The following MYO18B variants were observed in gnomAD, a reference collection of about 807,000 sequenced individuals.
MYO18B encodes myosin XVIIIB.
MYO18B carries 204 observed loss-of-function variants against 273.0 expected under a neutral mutation model. The ratio of observed to expected loss-of-function variants is 0.75; its 90% confidence interval spans 0.67 to 0.84. The LOEUF is 0.84. MYO18B is among the 40% of genes least tolerant of loss of function. The probability of loss-of-function intolerance (pLI) is 0.00; values close to 1 mark genes in which losing one functional copy is unlikely to be tolerated. For synonymous variants in MYO18B, 1,330 were observed against 1,305.7 expected, an observed-to-expected ratio of 1.02 and a Z score of -0.40; for missense variants, 3,212 against 3,287.6, an observed-to-expected ratio of 0.98 and a Z score of 0.56.
chr22:26,005,566 G>A (rs1021712322), intron 42 of MYO18B, among the ~76,000 whole-genome samples: 1 of 152,124 alleles, frequency 6.6e-6, no homozygotes, highest in African/African-American at 2.4e-5. Context: ...ATTTCTCTGA[G>A]CTCACTTGGT....
chr22:25,805,423 G>A lies in MYO18B; in HGVS notation c.2521+7326G>A, dbSNP rs188757437. Among the ~76,000 whole-genome samples, 17 of 152,314 alleles carry A rather than the reference G, an allele frequency of 1.1e-4. No individual in the cohort carries two copies. The East Asian group carries it at 2.9e-3, about 26-fold the overall frequency. Reference sequence around the variant, plus strand: ...TCTCAGGTTGGACCAGGGCAAGATCGCTGTGGATTTATTCTTGGAGCCTCA... The same window carrying A: ...TCTCAGGTTGGACCAGGGCAAGATCACTGTGGATTTATTCTTGGAGCCTCA... On this transcript the variant is annotated intron_variant, in intron 12 of 43. Transcript: ENST00000335473.
intron 12 of MYO18B, among the ~76,000 whole-genome samples, chr22:25,817,637 A>C (rs1393181531): frequency 1.3e-5 from 2 of 152,160 alleles, no homozygotes; most frequent in African/African-American, 4.8e-5. Context: ...TCTTTCCAAA[A>C]CCACTGTCTC....
intron 39 of MYO18B, among the ~76,000 whole-genome samples, chr22:25,987,251 C>G (rs1475626424): frequency 2.0e-5 from 3 of 152,260 alleles, no homozygotes; most frequent in African/African-American, 7.2e-5. Flanking sequence ...AAATATTAGC[C>G]TCTAATTGAA....
chr22:25,768,830 A>G lies in MYO18B; in HGVS notation c.914A>G (p.Glu305Gly). The change falls in exon 4 of 44, where the codon GAA becomes GGA. Residue 305 changes from glutamate to glycine, a missense_variant. By Grantham distance (98) the Glu-to-Gly change is moderately conservative. Transcript: ENST00000335473. Reference protein sequence around the residue: ...KGNVSKDVGSEGKHVRPQIPG... With the variant: ...KGNVSKDVGSGGKHVRPQIPG... ...AATGTCTCTAAGGACGTAGGGAGTGAAGGGAAGCACGTAAGGCCCCAAATC... is the reference window on the plus strand; with the variant it reads ...AATGTCTCTAAGGACGTAGGGAGTGGAGGGAAGCACGTAAGGCCCCAAATC... 3.7e-6 allele frequency: 6 copies of G among 1,611,986 alleles called. No homozygotes were observed. The highest frequency in any genetic ancestry group is 5.1e-6 in the Non-Finnish European group (6 of 1,179,048).
chr22:25,760,434 A>AAAAAAAAAAAAAC (rs59165419), intron 1 of MYO18B, among the ~76,000 whole-genome samples: 8 of 111,548 alleles, frequency 7.2e-5, no homozygotes, highest in East Asian at 3.3e-4. Context: ...AAAAAAAAAA[A>AAAAAAAAAAAAAC]CACAAAAACA....
At chr22:26,048,116 C>T in the MYO18B span, among the ~76,000 whole-genome samples, 3 of 152,166 alleles carry the variant, frequency 2.0e-5, no homozygotes, top group Admixed American at 6.5e-5. Context: ...TGTTTATTTT[C>T]TTTGTGGTCT....
At chr22:25,835,529 C>G (rs1232140250) in intron 17 of MYO18B, 86 bp downstream of exon 17, 2 of 1,551,934 alleles carry the variant, frequency 1.3e-6, no homozygotes, top group Admixed American at 3.5e-5. Context: ...AAAGCCCTGA[C>G]AAGGCCTGCA....
chr22:26,041,152 C>G, the MYO18B span, among the ~76,000 whole-genome samples: 1 of 147,878 alleles, frequency 6.8e-6, no homozygotes, highest in East Asian at 1.9e-4. Context: ...TCTTTTAGAG[C>G]CTTTTTTTTC....
rs368810371 is a variant in MYO18B at position 26,027,576 on chromosome 22, G to T, written c.7602G>T (p.Ala2534=). 423 of 1,613,868 alleles carry T rather than the reference G, an allele frequency of 2.6e-4. No homozygotes were observed. Among genetic ancestry groups the T allele is most frequent in the Non-Finnish European group, 3.4e-4 (405 of 1,179,906 alleles). ...IKSRPGIPRL[A]GDGGERTSPE... ...GTCGACCAGGAATCCCACGACTTGC[G>T]GGTGACGGTGGCGAGCGAACGTCCC... Residue 2534 remains alanine (A), a synonymous_variant, in exon 43 of 44, where the codon GCG becomes GCT. Transcript: ENST00000335473. This position sits in a 1 kb window ranked among gnomAD's most constrained non-coding sequence, Gnocchi z 4.1.
intron 21 of MYO18B, among the ~76,000 whole-genome samples, chr22:25,860,213 C>T (rs2090690955): frequency 6.6e-6 from 1 of 152,168 alleles, no homozygotes; most frequent in Non-Finnish European, 1.5e-5. Context: ...TTAGTAGCAT[C>T]TCTTTCTTTC....
chr22:25,882,908 A>AT (rs1264540821), intron 25 of MYO18B, among the ~76,000 whole-genome samples: 8 of 151,854 alleles, frequency 5.3e-5, no homozygotes, highest in East Asian at 1.9e-4. Context: ...TTTTATTTTT[A>AT]TTTTTTGAGA....
the MYO18B span, among the ~76,000 whole-genome samples, chr22:26,049,258 C>T: frequency 6.6e-6 from 1 of 152,178 alleles, no homozygotes; most frequent in South Asian, 2.1e-4. Context: ...AACCATCTAT[C>T]TAGAGACCCA....
intron 31 of MYO18B, among the ~76,000 whole-genome samples, chr22:25,904,246 A>G (rs2091994850): frequency 1.3e-5 from 2 of 152,188 alleles, no homozygotes; most frequent in African/African-American, 2.4e-5. Flanking sequence ...TCTTAGTGCA[A>G]TCCTAGAGCC....
intron 21 of MYO18B, among the ~76,000 whole-genome samples, chr22:25,855,757 G>A (rs1385000572): frequency 2.6e-5 from 4 of 151,956 alleles, no homozygotes; most frequent in Non-Finnish European, 4.4e-5. Context: ...TATTCCTTCA[G>A]CTATATGCCC....
At chr22:26,023,725 C>T (rs547873323) in intron 42 of MYO18B, among the ~76,000 whole-genome samples, 4 of 152,324 alleles carry the variant, frequency 2.6e-5, no homozygotes, top group Admixed American at 1.3e-4. Flanking sequence ...TCACACCCGC[C>T]TCCTTTCAGG....
rs144405093 is a variant in MYO18B at position 25,770,880 on chromosome 22, C to G, written c.1588C>G (p.Leu530Val). Reference protein sequence around the residue: ...QKDGFTLATVLKPDEGTADLP... With the variant: ...QKDGFTLATVVKPDEGTADLP... ...CTGGGATGTCCAACCAGCTACGGTG[C>G]TAAAGCCAGATGAGGGAACAGCAGA... The change falls in exon 6 of 44, where the codon CTA becomes GTA. Residue 530 changes from leucine (L) to valine (V), a missense_variant. Transcript: ENST00000335473. 980 of 1,551,856 alleles carry G rather than the reference C, an allele frequency of 6.3e-4. 6 individuals are homozygous for G. In the African/African-American group the frequency reaches 0.012, roughly 19 times the overall value.
intron 42 of MYO18B, among the ~76,000 whole-genome samples, chr22:26,007,769 C>T (rs1934552371): frequency 6.6e-6 from 1 of 152,188 alleles, no homozygotes; most frequent in African/African-American, 2.4e-5. Flanking sequence ...ATGGTATGAA[C>T]TGACACAGAG....
chr22:25,867,660 C>A (rs1013020086), intron 21 of MYO18B, among the ~76,000 whole-genome samples: 2 of 150,630 alleles, frequency 1.3e-5, no homozygotes, highest in African/African-American at 4.9e-5. Flanking sequence ...GACGGAGTCT[C>A]GCTCTGTTGC....
Position 25,927,825 on chromosome 22 carries a change from T to A in MYO18B, c.5517+6416T>A, listed in dbSNP as rs5761322. Among the ~76,000 whole-genome samples, 96 of 152,230 alleles carry A rather than the reference T, an allele frequency of 6.3e-4. No homozygotes were observed. The South Asian group carries it at 0.018, about 28-fold the overall frequency. Reference sequence around the variant, plus strand: ...CCCTTTATTTCTCAAGCTGGCTGACTCTTAAGGAAAATAGAAAAGAACCTA... The same window carrying A: ...CCCTTTATTTCTCAAGCTGGCTGACACTTAAGGAAAATAGAAAAGAACCTA... On this transcript the variant is annotated intron_variant, in intron 34 of 43. Coordinates refer to ENST00000335473, the MANE Select transcript of MYO18B (RefSeq NM_032608.7).
Sources: gnomAD v4.1 joint callset for allele counts (sites outside exome capture counted in the v4.1 genomes callset) on GRCh38, gnomAD v4.1.1 for gene constraint, Gnocchi (gnomAD v3.1) non-coding constraint, MANE v1.5 for transcripts, NCBI Gene and HGNC (gene_info 2026-07-23, HGNC 2026-07-21) for gene names.